Variants in DPP10 observed in about 807,000 individuals in gnomAD.
The protein encoded by DPP10 is dipeptidyl peptidase like 10.
DPP10 carries 33 observed loss-of-function variants against 120.9 expected under a neutral mutation model. The ratio of observed to expected loss-of-function variants is 0.27; its 90% CI spans 0.21 to 0.37. DPP10 has a LOEUF of 0.37. DPP10 is among the 10% of genes least tolerant of loss of function. The pLI, the probability that DPP10 is intolerant of heterozygous loss-of-function variation, is 1.00. For synonymous variants in DPP10, 337 were observed against 326.1 expected (o/e 1.03, Z -0.36); for missense variants, 816 against 942.8 (o/e 0.87, Z 1.76).
At chr2:115,117,177 T>C (rs2049556205) in intron 1 of DPP10, among the ~76,000 whole-genome samples, 1 of 152,218 alleles carries the variant, frequency 6.6e-6, no homozygotes. Flanking sequence ...ATTGCTTGCT[T>C]AATGTTTGAC....
chr2:115,759,721 A>ATG (rs57075793), intron 11 of DPP10, among the ~76,000 whole-genome samples: 2 of 618 alleles, frequency 3.2e-3, no homozygotes, highest in African/African-American at 3.5e-3. Context: ...ATATAAAAAC[A>ATG]CATTATAGGC....
intron 3 of DPP10, among the ~76,000 whole-genome samples, chr2:115,356,096 G>C (rs1024320638): frequency 6.6e-6 from 1 of 150,552 alleles, no homozygotes; most frequent in Admixed American, 6.6e-5. Flanking sequence ...TGTGAAGAAA[G>C]TCAATGGTAG....
At chr2:114,830,160 A>T (rs1686961880) in intron 1 of DPP10, among the ~76,000 whole-genome samples, 1 of 72,668 alleles carries the variant, frequency 1.4e-5, no homozygotes, top group Admixed American at 1.8e-4. Context: ...AAAGGCTGGT[A>T]TGGCTACCTA....
At chr2:115,724,634 C>G (rs1008220400) in intron 7 of DPP10, among the ~76,000 whole-genome samples, 6 of 152,090 alleles carry the variant, frequency 3.9e-5, no homozygotes, top group African/African-American at 1.4e-4. Flanking sequence ...GAAGAGTTAG[C>G]TGGTAAAATA....
At chr2:115,386,787 A>G (rs951129022) in intron 3 of DPP10, among the ~76,000 whole-genome samples, 3 of 152,070 alleles carry the variant, frequency 2.0e-5, no homozygotes, top group African/African-American at 7.2e-5. Context: ...AATAATCCTT[A>G]TGCCAAAGTG....
At chr2:114,493,677 G>A (rs1024175949) in intron 1 of DPP10, among the ~76,000 whole-genome samples, 5 of 152,196 alleles carry the variant, frequency 3.3e-5, no homozygotes, top group Non-Finnish European at 5.9e-5. Flanking sequence ...CATGGGAAAT[G>A]AATTATAATA....
intron 1 of DPP10, among the ~76,000 whole-genome samples, chr2:115,291,075 CT>C (rs2060634323): frequency 6.6e-6 from 1 of 152,098 alleles, no homozygotes; most frequent in African/African-American, 2.4e-5. Context: ...GTGATCACAG[CT>C]CACTGCAGCC....
chr2:115,312,882 C>T (rs2061639737), intron 2 of DPP10, among the ~76,000 whole-genome samples: 1 of 152,126 alleles, frequency 6.6e-6, no homozygotes, highest in South Asian at 2.1e-4. Flanking sequence ...CAGCAAGACA[C>T]TGGGCCTTTT....
intron 1 of DPP10, among the ~76,000 whole-genome samples, chr2:114,893,389 A>G (rs1692699298): frequency 1.3e-5 from 2 of 152,184 alleles, no homozygotes; most frequent in African/African-American, 4.8e-5. Context: ...ATTCCTAGCC[A>G]AGACGTATAG....
At chr2:115,445,980 CTAGGAGGGA>C (rs963626512) in intron 3 of DPP10, among the ~76,000 whole-genome samples, 1 of 151,900 alleles carries the variant, frequency 6.6e-6, no homozygotes, top group Non-Finnish European at 1.5e-5. Context: ...TCTAGGAGGT[CTAGGAGGGA>C]AAAATGGTTT....
intron 8 of DPP10, among the ~76,000 whole-genome samples, chr2:115,736,585 G>A (rs1437708466): frequency 1.3e-5 from 2 of 152,118 alleles, no homozygotes; most frequent in African/African-American, 2.4e-5. Context: ...CAGAATATGT[G>A]TGTATCTCTG....
At chr2:114,769,597 C>A (rs1046074914) in intron 1 of DPP10, among the ~76,000 whole-genome samples, 6 of 152,290 alleles carry the variant, frequency 3.9e-5, no homozygotes, top group African/African-American at 1.4e-4. Flanking sequence ...GTTCTATAAA[C>A]AGAACCTAAG....
Position 115,768,351 on chromosome 2 carries a change from G to A in DPP10, c.1168G>A (p.Val390Ile), listed in dbSNP as rs748194324. 17 of 1,613,692 alleles carry A rather than the reference G, an allele frequency of 1.1e-5. No individual in the cohort carries two copies. The highest frequency in any genetic ancestry group is 1.4e-5 in the Non-Finnish European group (17 of 1,179,696). ...CAGCAAATTCTTTATGACAGTGCCTGTTAAGCAAGGGGGACGTGGAGAATT... is the reference window on the plus strand; with the variant it reads ...CAGCAAATTCTTTATGACAGTGCCTATTAAGCAAGGGGGACGTGGAGAATT... ...DGSKFFMTVP[V>I]KQGGRGEFHH... is the part of the protein sequence containing the mutation. Residue 390 changes from valine to isoleucine, a missense_variant, in exon 13 of 26, where the codon GTT becomes ATT. Around this residue, in one of 3 missense-constraint regions of DPP10, gnomAD observed 592 missense variants for 649.0 expected, o/e 0.91. Transcript: ENST00000410059.
intron 5 of DPP10, among the ~76,000 whole-genome samples, chr2:115,625,077 T>C (rs2085253793): frequency 7.1e-6 from 1 of 141,380 alleles, no homozygotes; most frequent in African/African-American, 3.0e-5. Context: ...TGGATAAATA[T>C]ATAAATGCTA....
chr2:114,676,889 A>T (rs1230744471), intron 1 of DPP10, among the ~76,000 whole-genome samples: 2 of 152,080 alleles, frequency 1.3e-5, no homozygotes, highest in African/African-American at 4.8e-5. Flanking sequence ...AATATATTTA[A>T]CTACTATTTA....
intron 1 of DPP10, among the ~76,000 whole-genome samples, chr2:114,647,942 T>C (rs903374673): frequency 6.6e-6 from 1 of 152,124 alleles, no homozygotes; most frequent in Non-Finnish European, 1.5e-5. Context: ...TCTATGGCAT[T>C]TCTGCATGTC....
intron 3 of DPP10, among the ~76,000 whole-genome samples, chr2:115,412,058 G>A (rs2068993177): frequency 6.6e-6 from 1 of 152,150 alleles, no homozygotes; most frequent in Non-Finnish European, 1.5e-5. Flanking sequence ...ACCATGCATG[G>A]TGCTAGGTTT....
intron 1 of DPP10, chr2:114,461,784 A>G (rs1055182317): frequency 2.0e-6 from 2 of 985,434 alleles, no homozygotes; most frequent in Non-Finnish European, 2.4e-6. Flanking sequence ...TTGGAGGATT[A>G]GAGAAATAAT....
At chr2:115,416,609 G>A (rs926045504) in intron 3 of DPP10, among the ~76,000 whole-genome samples, 5 of 152,128 alleles carry the variant, frequency 3.3e-5, no homozygotes, top group Non-Finnish European at 1.5e-5. Context: ...TACTGAAGAG[G>A]AGGAGCTAGG....
Sources: gnomAD v4.1 joint callset for allele counts (sites outside exome capture counted in the v4.1 genomes callset) on GRCh38, gnomAD v4.1.1 for gene constraint, gnomAD v4.1.1 regional missense constraint, MANE v1.5 for transcripts, NCBI Gene and HGNC (gene_info 2026-07-23, HGNC 2026-07-21) for gene names.